The following SWT1 variants were observed in gnomAD, a reference collection of about 807,000 sequenced individuals.
SWT1 encodes SWT1 RNA endoribonuclease homolog, also known as transcriptional protein SWT1.
SWT1 carries 33 observed loss-of-function variants against 107.3 expected under a neutral mutation model. The observed-to-expected ratio is 0.31, with a 90% CI of 0.23 to 0.41. The LOEUF (loss-of-function observed/expected upper bound fraction) is 0.41, where lower values mean the gene tolerates loss of function less well. Among genes scored for constraint, SWT1 ranks in the 10% least tolerant of loss-of-function variants. The pLI is 1.00. For synonymous variants in SWT1, 345 were observed against 348.3 expected (o/e 0.99, Z 0.11); for missense variants, 898 against 1,028.9 (o/e 0.87, Z 1.74).
chr1:185,213,426 G>A (rs534659027), intron 13 of SWT1, among the ~76,000 whole-genome samples: 1 of 152,150 alleles, frequency 6.6e-6, no homozygotes, highest in Admixed American at 6.6e-5. Context: ...AGAAGCCAGA[G>A]GCTTGGCTAC....
chr1:185,242,484 T>A (rs7515757), intron 16 of SWT1, among the ~76,000 whole-genome samples: 8,710 of 152,164 alleles, frequency 0.057, 599 homozygotes, highest in African/African-American at 0.16. Context: ...ACCTTATATT[T>A]ACCTTTTAAG....
rs767040892 is a variant in SWT1, at chr1:185,160,910, C to A, written c.69C>A (p.Pro23=). The change falls in exon 2 of 19, where the codon CCC becomes CCA. Residue 23 remains proline, a synonymous_variant. Transcript: ENST00000367500. ...SQRKDTTTSS[P]NFGEKDKKER... is the part of the protein sequence containing the mutation. The stretch of plus-strand genomic sequence containing the variant: ...GGAAAGACACCACCACCTCATCACC[C>A]AATTTTGGTGAAAAAGTAAGAATTT... 5 of 1,611,090 alleles carry A rather than the reference C, an allele frequency of 3.1e-6. No individual in the cohort carries two copies. The highest frequency in any genetic ancestry group is 2.2e-5 in the South Asian group (2 of 90,302).
intron 16 of SWT1, among the ~76,000 whole-genome samples, chr1:185,245,438 C>T (rs1192404866): frequency 6.6e-6 from 1 of 152,028 alleles, no homozygotes; most frequent in African/African-American, 2.4e-5. Context: ...AAATACCTCT[C>T]AAAGAACCTA....
chr1:185,200,775 G>A (rs1020320293), intron 10 of SWT1, among the ~76,000 whole-genome samples: 2 of 152,220 alleles, frequency 1.3e-5, no homozygotes, highest in African/African-American at 4.8e-5. Context: ...GAGCTCGAGC[G>A]CTGTGCTGGG....
At chr1:185,227,927 A>C (rs1370935295) in intron 15 of SWT1, among the ~76,000 whole-genome samples, 1 of 149,150 alleles carries the variant, frequency 6.7e-6, no homozygotes, top group Non-Finnish European at 1.5e-5. Flanking sequence ...TTGTCTCTAC[A>C]AAAAAAATTA....
chr1:185,179,193 C>T (rs1179139058), intron 5 of SWT1, among the ~76,000 whole-genome samples: 4 of 152,040 alleles, frequency 2.6e-5, no homozygotes, highest in East Asian at 1.9e-4. Flanking sequence ...CGCTTGAACC[C>T]GGGAGGTGGA....
rs1658936427 is a variant in SWT1 at position 185,212,898 on chromosome 1, C to CTGT, written c.1973-1606_1973-1604dup. 3.3e-5 allele frequency among the ~76,000 whole-genome samples: 5 copies of CTGT among 152,058 alleles called. No homozygotes were observed. In the South Asian group the frequency reaches 1.0e-3, roughly 32 times the overall value. On this transcript the variant is annotated intron_variant, in intron 13 of 18. Transcript: ENST00000367500. ...TACTATCTTTTAATAATACCTTCAGCTGTTGAATTATATATTTGTTTAACT... is the reference window on the plus strand; with the variant it reads ...TACTATCTTTTAATAATACCTTCAGCTGTTGTTGAATTATATATTTGTTTAACT...
chr1:185,180,241 T>C (rs1021708949), intron 5 of SWT1, 150 bp from the exon 6 acceptor site: 10 of 628,996 alleles, frequency 1.6e-5, no homozygotes, highest in East Asian at 2.8e-5. Context: ...TTCTGGAGGA[T>C]AGAGGTCAGT....
intron 16 of SWT1, among the ~76,000 whole-genome samples, chr1:185,248,135 G>T (rs576344064): frequency 2.6e-4 from 40 of 152,138 alleles, no homozygotes; most frequent in Non-Finnish European, 4.6e-4. Flanking sequence ...TAAGAGAAGT[G>T]GATATGACCC....
At chr1:185,197,715 T>C (rs1657515712) in intron 10 of SWT1, among the ~76,000 whole-genome samples, 1 of 152,174 alleles carries the variant, frequency 6.6e-6, no homozygotes, top group Non-Finnish European at 1.5e-5. Flanking sequence ...ATTTCTCCAT[T>C]TTTTCTAGAT....
intron 18 of SWT1, among the ~76,000 whole-genome samples, chr1:185,276,952 C>T (rs1423313845): frequency 2.0e-5 from 3 of 152,004 alleles, no homozygotes; most frequent in African/African-American, 4.8e-5. Flanking sequence ...TTGTATGGGT[C>T]ATTATCTAGC....
At chr1:185,168,515 T>G in intron 4 of SWT1, 117 bp downstream of exon 4, 1 of 432,428 alleles carries the variant, frequency 2.3e-6, no homozygotes, top group Non-Finnish European at 3.9e-6. Context: ...CAAATATCTC[T>G]AGCTATATAA....
intron 9 of SWT1, among the ~76,000 whole-genome samples, chr1:185,186,743 C>T (rs1656500568): frequency 6.6e-6 from 1 of 151,546 alleles, no homozygotes. Flanking sequence ...TCTGTATTTT[C>T]CAGATTTTTA....
At chr1:185,257,948 G>A (rs1302408533) in intron 16 of SWT1, 1 of 152,066 alleles carries the variant, frequency 6.6e-6, no homozygotes, top group Non-Finnish European at 1.5e-5. Flanking sequence ...AGTGGAGAAA[G>A]AACAAAGAAA....
chr1:185,220,949 G>A (rs567404321), intron 14 of SWT1, among the ~76,000 whole-genome samples: 4 of 152,242 alleles, frequency 2.6e-5, no homozygotes, highest in Admixed American at 6.5e-5. Context: ...TATTGCTTCC[G>A]AGTATTTGTT....
chr1:185,201,410 G>A (rs775555099), intron 10 of SWT1, among the ~76,000 whole-genome samples: 9 of 152,156 alleles, frequency 5.9e-5, no homozygotes, highest in East Asian at 3.9e-4. Flanking sequence ...CCTGGTCTGC[G>A]GGTTGTGAAG....
intron 12 of SWT1, among the ~76,000 whole-genome samples, chr1:185,206,242 CCACCGAA>C (rs1396953590): frequency 6.6e-6 from 1 of 152,122 alleles, no homozygotes; most frequent in Admixed American, 6.6e-5. Flanking sequence ...CAGGCATGAG[CCACCGAA>C]CATCTTTTTT....
chr1:185,244,561 G>A (rs1321066913), intron 16 of SWT1, among the ~76,000 whole-genome samples: 3 of 152,096 alleles, frequency 2.0e-5, no homozygotes, highest in African/African-American at 7.2e-5. Flanking sequence ...CTCTGGGTGA[G>A]TCAGTGGGTG....
At chr1:185,169,816 T>C (rs1202369028) in intron 4 of SWT1, among the ~76,000 whole-genome samples, 1 of 151,956 alleles carries the variant, frequency 6.6e-6, no homozygotes, top group African/African-American at 2.4e-5. Context: ...TAAAAATTAC[T>C]ACATGGGAAC....
Sources: gnomAD v4.1 joint callset for allele counts (sites outside exome capture counted in the v4.1 genomes callset) on GRCh38, gnomAD v4.1.1 for gene constraint, MANE v1.5 for transcripts, NCBI Gene and HGNC (gene_info 2026-07-23, HGNC 2026-07-21) for gene names.